EYS: variants seen among roughly 807,000 people sequenced by gnomAD.
EYS encodes the protein EGF-like photoreceptor maintenance factor.
In EYS, 250 loss-of-function variants were observed where a neutral mutation model predicts 282.1. The ratio of observed to expected loss-of-function variants is 0.89; its 90% confidence interval spans 0.80 to 0.98. EYS has a LOEUF of 0.98. EYS is among the 50% of genes least tolerant of loss of function. EYS has a pLI of 0.00. For synonymous variants in EYS, 1,355 were observed against 1,282.9 expected (o/e 1.06, Z -1.20); for missense variants, 4,016 against 3,709.0 (o/e 1.08, Z -2.15).
intron 1 of EYS, among the ~76,000 whole-genome samples, chr6:65,641,002 T>C (rs1452968897): frequency 6.6e-6 from 1 of 152,178 alleles, no homozygotes; most frequent in African/African-American, 2.4e-5. Context: ...TGTATATACT[T>C]TATTCTCTTC....
intron 12 of EYS, among the ~76,000 whole-genome samples, chr6:65,079,808 C>G (rs976570125): frequency 2.6e-5 from 4 of 152,026 alleles, no homozygotes; most frequent in Admixed American, 6.6e-5. Flanking sequence ...CCCACTTACC[C>G]CACCTCCCTT....
intron 36 of EYS, among the ~76,000 whole-genome samples, 156 bp downstream of exon 36, chr6:63,864,030 C>T (rs1772611408): frequency 6.6e-6 from 1 of 152,170 alleles, no homozygotes; most frequent in Non-Finnish European, 1.5e-5. Flanking sequence ...TGATCAGTCT[C>T]ACTAATGGGT....
intron 29 of EYS, among the ~76,000 whole-genome samples, chr6:64,361,639 CT>C (rs1772009065): frequency 6.6e-6 from 1 of 151,708 alleles, no homozygotes; most frequent in African/African-American, 2.4e-5. Flanking sequence ...AGAAGATCTT[CT>C]TTTGGGCTTG....
At chr6:63,745,203 T>C (rs1490020823) in intron 41 of EYS, among the ~76,000 whole-genome samples, 1 of 152,142 alleles carries the variant, frequency 6.6e-6, no homozygotes, top group Non-Finnish European at 1.5e-5. Context: ...TAGAAATCAC[T>C]TCATATGTAA....
At chr6:64,761,691 G>C (rs1445903511) in intron 22 of EYS, among the ~76,000 whole-genome samples, 3 of 152,132 alleles carry the variant, frequency 2.0e-5, no homozygotes, top group African/African-American at 7.2e-5. Context: ...TACTGACCTA[G>C]TGATCGGCCC....
chr6:65,048,946 A>T (rs1207560443), intron 13 of EYS, among the ~76,000 whole-genome samples: 1 of 151,808 alleles, frequency 6.6e-6, no homozygotes, highest in Non-Finnish European at 1.5e-5. Context: ...CAAGCAGTTA[A>T]TTTTTTCTTT....
At chr6:65,266,760 G>T (rs2150262228) in intron 12 of EYS, among the ~76,000 whole-genome samples, 1 of 151,188 alleles carries the variant, frequency 6.6e-6, no homozygotes, top group South Asian at 2.1e-4. Flanking sequence ...AAGCAAGAAA[G>T]AACATATAAA....
chr6:64,119,278 T>C (rs1467852831), intron 31 of EYS, among the ~76,000 whole-genome samples: 1 of 152,168 alleles, frequency 6.6e-6, no homozygotes, highest in Non-Finnish European at 1.5e-5. Flanking sequence ...TTTTACATAA[T>C]ATTAAAATAA....
At position 63,720,284 on chromosome 6, in the gene EYS, T is replaced by C. The variant is rs1207179949; in HGVS notation, c.*312A>G. 2.7e-6 allele frequency: 1 copy of C among 365,334 alleles called. No individual in the cohort carries two copies. The highest frequency in any genetic ancestry group is 2.1e-5 in the African/African-American group (1 of 47,888). The allele number at this position is 365,334 out of a possible 1,614,324, so 22.6% of individuals were successfully genotyped here. A position where few individuals can be genotyped will look rare whatever the true frequency, so the allele number is the denominator to read the frequency against. On this transcript the variant is annotated 3_prime_UTR_variant, in exon 43 of 43. Coordinates refer to ENST00000503581, the MANE Select transcript of EYS (RefSeq NM_001142800.2). ...TGATTTTTAAAATTGTGTTTACACGTTGATTTTAAAATGTAAGCATTAGGG... is the reference window on the plus strand; with the variant it reads ...TGATTTTTAAAATTGTGTTTACACGCTGATTTTAAAATGTAAGCATTAGGG...
chr6:64,065,234 A>G (rs575069207), intron 33 of EYS, among the ~76,000 whole-genome samples: 9 of 152,288 alleles, frequency 5.9e-5, no homozygotes, highest in Admixed American at 5.2e-4. Context: ...AGTTTCAGAG[A>G]AAGTTTATTT....
intron 26 of EYS, among the ~76,000 whole-genome samples, chr6:64,449,867 G>A (rs1368644685): frequency 2.6e-5 from 4 of 152,068 alleles, no homozygotes; most frequent in East Asian, 3.9e-4. Flanking sequence ...CACTAAACAT[G>A]GAAAGGAACA....
At chr6:63,898,894 G>C (rs1773598378) in intron 35 of EYS, among the ~76,000 whole-genome samples, 1 of 152,164 alleles carries the variant, frequency 6.6e-6, no homozygotes, top group South Asian at 2.1e-4. Context: ...TGAGTTTTTA[G>C]TGCATCATTA....
At position 64,697,066 on chromosome 6, in the gene EYS, C is replaced by A. The variant is rs192453342; in HGVS notation, c.3444-70821G>T. 1.1e-4 allele frequency among the ~76,000 whole-genome samples: 17 copies of A among 152,116 alleles called. No individual in the cohort carries two copies. In the East Asian group the frequency reaches 2.3e-3, roughly 21 times the overall value. ...CAGGAACAAATCCTGTCAGAACTAACCTTGAATATAACTGGATTTAATGCT... is the reference window on the plus strand; with the variant it reads ...CAGGAACAAATCCTGTCAGAACTAAACTTGAATATAACTGGATTTAATGCT... On this transcript the variant is annotated intron_variant, in intron 22 of 42. Coordinates refer to ENST00000503581, the MANE Select transcript of EYS (RefSeq NM_001142800.2).
At chr6:64,681,349 G>A (rs1179325094) in intron 22 of EYS, among the ~76,000 whole-genome samples, 1 of 152,108 alleles carries the variant, frequency 6.6e-6, no homozygotes, top group African/African-American at 2.4e-5. Context: ...TGGGTTGCTA[G>A]AGATCAAGTA....
At chr6:65,540,655 ACG>A (rs1768131268) in intron 2 of EYS, among the ~76,000 whole-genome samples, 1 of 152,186 alleles carries the variant, frequency 6.6e-6, no homozygotes, top group African/African-American at 2.4e-5. Context: ...GCGGTGGCTC[ACG>A]CCTGTAATCC....
intron 26 of EYS, among the ~76,000 whole-genome samples, chr6:64,445,361 TTTA>T (rs1775084900): frequency 2.6e-5 from 4 of 152,180 alleles, no homozygotes; most frequent in Admixed American, 2.6e-4. Flanking sequence ...TCTATACATT[TTTA>T]TTGTCTAGAA....
intron 14 of EYS, among the ~76,000 whole-genome samples, chr6:64,974,960 T>TA (rs1028854262): frequency 1.4e-4 from 22 of 151,824 alleles, no homozygotes; most frequent in African/African-American, 5.3e-4. Flanking sequence ...TATACAAGAG[T>TA]AAAAAATGAC....
intron 11 of EYS, among the ~76,000 whole-genome samples, chr6:65,324,427 C>T (rs1391257263): frequency 6.6e-6 from 1 of 152,128 alleles, no homozygotes; most frequent in East Asian, 1.9e-4. Flanking sequence ...GCTATTTCCT[C>T]TATGCATTCT....
At chr6:63,836,664 T>A (rs1454135600) in intron 36 of EYS, among the ~76,000 whole-genome samples, 6 of 152,010 alleles carry the variant, frequency 3.9e-5, no homozygotes, top group Non-Finnish European at 7.4e-5. Context: ...AGAGTACAGA[T>A]TTTTAAAATA....
Sources: gnomAD v4.1 joint callset for allele counts (sites outside exome capture counted in the v4.1 genomes callset) on GRCh38, gnomAD v4.1.1 for gene constraint, MANE v1.5 for transcripts, NCBI Gene and HGNC (gene_info 2026-07-23, HGNC 2026-07-21) for gene names.